The following AKAP13 variants were observed in gnomAD, a reference collection of about 807,000 sequenced individuals.
AKAP13 encodes the protein A-kinase anchor protein 13.
Under a neutral mutation model 264.5 loss-of-function variants are expected in AKAP13, and 80 were observed. The observed-to-expected ratio is 0.30, with a 90% confidence interval of 0.25 to 0.36. The LOEUF is 0.36. Ranked by LOEUF, AKAP13 falls within the 10% of genes least tolerant of loss-of-function variation. The pLI, the probability that AKAP13 is intolerant of heterozygous loss-of-function variation, is 1.00. For synonymous variants in AKAP13, 1,380 were observed against 1,250.2 expected (o/e 1.10, Z -2.19); for missense variants, 3,712 against 3,435.2 (o/e 1.08, Z -2.01).
At chr15:85,632,015 CAAG>C (rs2081855412) in intron 8 of AKAP13, among the ~76,000 whole-genome samples, 1 of 152,006 alleles carries the variant, frequency 6.6e-6, no homozygotes. Flanking sequence ...TGTAACATGT[CAAG>C]AGATTTTTGG....
Position 85,581,359 on chromosome 15 carries a change from A to G in AKAP13, c.3291A>G (p.Leu1097=), listed in dbSNP as rs934668020. The G allele has an allele frequency of 1.7e-5, 27 of 1,614,112 alleles. No homozygotes were observed. In the African/African-American group the frequency reaches 2.9e-4, roughly 18 times the overall value. The change falls in exon 7 of 37, where the codon CTA becomes CTG. Residue 1097 remains leucine, a synonymous_variant. Transcript: ENST00000394518. ...VTVDVTGVNA[L]QGMAEPRREN... ...TGGATGTTACAGGGGTTAATGCTCTACAAGGTATGGCTGAGCCCAGAAGAG... is the reference window on the plus strand; with the variant it reads ...TGGATGTTACAGGGGTTAATGCTCTGCAAGGTATGGCTGAGCCCAGAAGAG...
chr15:85,416,436 A>G (rs1228875353), intron 1 of AKAP13, among the ~76,000 whole-genome samples: 1 of 152,184 alleles, frequency 6.6e-6, no homozygotes, highest in Non-Finnish European at 1.5e-5. Flanking sequence ...AAGCCACTTT[A>G]GAAATGATCA....
At chr15:85,733,056 C>T (rs1262418132) in intron 30 of AKAP13, among the ~76,000 whole-genome samples, 1 of 152,162 alleles carries the variant, frequency 6.6e-6, no homozygotes, top group African/African-American at 2.4e-5. Flanking sequence ...TGTAAGTGAA[C>T]ATACTTCATG....
rs528742601 is a variant in AKAP13, at chr15:85,444,828, G to A, written c.-11-40882G>A. ...TTTTTGGACCTCTTACTTCCTGGAG[G>A]CTTTCTCTCCTAGCCCCTTTGCCTT... is the stretch of plus-strand genomic sequence containing the variant. On this transcript the variant is annotated intron_variant, in intron 1 of 36. Coordinates refer to ENST00000394518, the MANE Select transcript of AKAP13 (RefSeq NM_007200.5). Among the ~76,000 whole-genome samples, 14 of 152,218 alleles carry A rather than the reference G, an allele frequency of 9.2e-5. No homozygotes were observed. The South Asian group carries it at 1.9e-3, about 20-fold the overall frequency.
chr15:85,459,523 G>A (rs2074423849), intron 1 of AKAP13, among the ~76,000 whole-genome samples: 2 of 139,944 alleles, frequency 1.4e-5, no homozygotes, highest in Admixed American at 1.4e-4. Context: ...TTTTTGAGAT[G>A]GAGTCTCGCT....
chr15:85,689,817 A>G (rs186983664), intron 16 of AKAP13: 7 of 152,218 alleles, frequency 4.6e-5, no homozygotes, highest in African/African-American at 1.7e-4. Context: ...TATCCTTTGT[A>G]ACAAGGGTTG....
chr15:85,558,532 A>G (rs1362013045), intron 5 of AKAP13, among the ~76,000 whole-genome samples: 1 of 152,194 alleles, frequency 6.6e-6, no homozygotes, highest in Admixed American at 6.5e-5. Flanking sequence ...TCCTGCCTAG[A>G]CAAATGAGCA....
intron 1 of AKAP13, among the ~76,000 whole-genome samples, chr15:85,394,282 A>C (rs560580592): frequency 1.6e-4 from 25 of 152,294 alleles, no homozygotes; most frequent in African/African-American, 4.6e-4. Flanking sequence ...GCTCATATCA[A>C]ACATGTTTTT....
intron 8 of AKAP13, among the ~76,000 whole-genome samples, chr15:85,632,725 T>A (rs1185587345): frequency 1.3e-5 from 2 of 152,350 alleles, no homozygotes; most frequent in East Asian, 3.9e-4. Flanking sequence ...ACTCACTTTA[T>A]GTAACACATG....
chr15:85,401,128 C>T (rs1260016997), intron 1 of AKAP13, among the ~76,000 whole-genome samples: 1 of 151,940 alleles, frequency 6.6e-6, no homozygotes, highest in Non-Finnish European at 1.5e-5. Context: ...TCTCAAAGTG[C>T]TGGGATTATA....
intron 17 of AKAP13, among the ~76,000 whole-genome samples, chr15:85,693,820 A>G (rs993360704): frequency 2.6e-5 from 4 of 152,230 alleles, no homozygotes; most frequent in South Asian, 4.1e-4. Context: ...TCAACACTTT[A>G]TCATAAAACT....
intron 1 of AKAP13, among the ~76,000 whole-genome samples, chr15:85,474,503 G>GT (rs2075080757): frequency 6.6e-6 from 1 of 152,016 alleles, no homozygotes; most frequent in Non-Finnish European, 1.5e-5. Flanking sequence ...ACTGTCTAAG[G>GT]GATTACTCAT....
intron 2 of AKAP13, 105 bp downstream of exon 2, chr15:85,485,858 C>T: frequency 2.0e-6 from 2 of 1,018,514 alleles, no homozygotes; most frequent in Middle Eastern, 4.1e-4. Context: ...AAAATTTTAA[C>T]CATATGTCCA....
rs546004963 is a variant in AKAP13, at chr15:85,743,459, C to T, written c.8059-33C>T. 82 of 1,594,306 alleles carry T rather than the reference C, an allele frequency of 5.1e-5. No individual in the cohort carries two copies. The South Asian group carries it at 8.7e-4, about 17-fold the overall frequency. On this transcript the variant is annotated intron_variant, in intron 35 of 36. Coordinates refer to ENST00000394518, the MANE Select transcript of AKAP13 (RefSeq NM_007200.5). Reference sequence around the variant, plus strand: ...TTGGCATCACGGACGCTGACAGCCTCCAAGTGAAAACCCTTCTCTTGAATA... The same window carrying T: ...TTGGCATCACGGACGCTGACAGCCTTCAAGTGAAAACCCTTCTCTTGAATA...
intron 2 of AKAP13, among the ~76,000 whole-genome samples, chr15:85,505,423 T>C (rs1394930683): frequency 1.3e-5 from 2 of 152,184 alleles, no homozygotes; most frequent in African/African-American, 4.8e-5. Flanking sequence ...TGTGTTGGCA[T>C]TGAGAAAGGG....
At chr15:85,428,342 G>A (rs2072885937) in intron 1 of AKAP13, among the ~76,000 whole-genome samples, 1 of 152,192 alleles carries the variant, frequency 6.6e-6, no homozygotes, top group African/African-American at 2.4e-5. Flanking sequence ...TGGGATTACA[G>A]GCATGCGCCA....
At chr15:85,559,566 A>T (rs1472077779) in intron 5 of AKAP13, among the ~76,000 whole-genome samples, 1 of 152,192 alleles carries the variant, frequency 6.6e-6, no homozygotes. Context: ...GTTTTCCTGC[A>T]GCTAAACAGT....
At chr15:85,569,213 G>A (rs1000436480) in intron 5 of AKAP13, among the ~76,000 whole-genome samples, 1 of 152,170 alleles carries the variant, frequency 6.6e-6, no homozygotes, top group African/African-American at 2.4e-5. Flanking sequence ...AGTTGGAAGT[G>A]TTGGTGCAGA....
intron 11 of AKAP13, among the ~76,000 whole-genome samples, chr15:85,656,481 C>A (rs919416023): frequency 6.6e-6 from 1 of 152,022 alleles, no homozygotes; most frequent in Non-Finnish European, 1.5e-5. Context: ...GAGTCTCGCT[C>A]TGTCACCCAG....
Sources: gnomAD v4.1 joint callset for allele counts (sites outside exome capture counted in the v4.1 genomes callset) on GRCh38, gnomAD v4.1.1 for gene constraint, MANE v1.5 for transcripts, NCBI Gene and HGNC (gene_info 2026-07-23, HGNC 2026-07-21) for gene names.